The following SLC38A11 variants were observed in gnomAD, a reference collection of about 807,000 sequenced individuals.
SLC38A11 encodes putative sodium-coupled neutral amino acid transporter 11.
A neutral mutation model predicts 49.4 loss-of-function variants in SLC38A11; 51 were observed. The ratio of observed to expected loss-of-function variants is 1.03; its 90% CI spans 0.83 to 1.30. The LOEUF (loss-of-function observed/expected upper bound fraction) is 1.30, where lower values mean the gene tolerates loss of function less well. Ranked by LOEUF, SLC38A11 falls within the 50% of genes most tolerant of loss-of-function variation. The pLI, the probability that SLC38A11 is intolerant of heterozygous loss-of-function variation, is 0.00. For missense variants in SLC38A11, 574 were observed against 556.2 expected (o/e 1.03, Z -0.32); for synonymous variants, 203 against 192.9 (o/e 1.05, Z -0.43).
intron 7 of SLC38A11, among the ~76,000 whole-genome samples, chr2:164,933,432 A>G (rs72884471): frequency 0.021 from 3,165 of 152,222 alleles, 50 homozygotes; most frequent in Middle Eastern, 0.085. Context: ...CCTGAAAGTC[A>G]TTGGACTGTG....
chr2:164,949,149 A>G (rs924583522), intron 3 of SLC38A11, among the ~76,000 whole-genome samples: 33 of 151,800 alleles, frequency 2.2e-4, no homozygotes, highest in Non-Finnish European at 3.7e-4. Flanking sequence ...GAATAAATCA[A>G]TGATCACTAT....
At chr2:164,899,956 T>C (rs1684551479) in intron 11 of SLC38A11, among the ~76,000 whole-genome samples, 1 of 152,110 alleles carries the variant, frequency 6.6e-6, no homozygotes, top group Non-Finnish European at 1.5e-5. Context: ...TCCCTTTGTT[T>C]CCTGCCCCTG....
intron 5 of SLC38A11, among the ~76,000 whole-genome samples, chr2:164,941,488 C>T (rs1421370598): frequency 1.3e-5 from 2 of 152,100 alleles, no homozygotes; most frequent in Non-Finnish European, 2.9e-5. Flanking sequence ...ACATTATAAA[C>T]TGTCACACCC....
chr2:164,939,401 T>G, intron 6 of SLC38A11, 49 bp downstream of exon 6: 2 of 1,270,272 alleles, frequency 1.6e-6, no homozygotes, highest in Non-Finnish European at 2.2e-6. Context: ...CAGTAGATTA[T>G]GCAGGCAACA....
At chr2:164,911,012 T>C (rs1458735722) in intron 10 of SLC38A11, among the ~76,000 whole-genome samples, 2 of 151,806 alleles carry the variant, frequency 1.3e-5, no homozygotes, top group Non-Finnish European at 2.9e-5. Context: ...AATAATATCC[T>C]ATATATTTGT....
At chr2:164,917,973 T>G (rs1260811861) in intron 7 of SLC38A11, among the ~76,000 whole-genome samples, 1 of 151,784 alleles carries the variant, frequency 6.6e-6, no homozygotes, top group Non-Finnish European at 1.5e-5. Context: ...GATAGGAAAA[T>G]GCATATGTCT....
intron 3 of SLC38A11, among the ~76,000 whole-genome samples, chr2:164,950,757 A>G (rs1688467231): frequency 6.6e-6 from 1 of 152,174 alleles, no homozygotes; most frequent in African/African-American, 2.4e-5. Context: ...ATGAAAACAG[A>G]ACTTAGAAAA....
At chr2:164,928,319 T>A (rs182525293) in intron 7 of SLC38A11, among the ~76,000 whole-genome samples, 36 of 152,298 alleles carry the variant, frequency 2.4e-4, no homozygotes, top group African/African-American at 8.4e-4. Context: ...TCTTTGACAG[T>A]GTTTGTATGA....
chr2:164,949,521 G>T (rs1197441149), intron 3 of SLC38A11, among the ~76,000 whole-genome samples: 1 of 152,216 alleles, frequency 6.6e-6, no homozygotes, highest in Non-Finnish European at 1.5e-5. Flanking sequence ...GCCTCTCAAA[G>T]TGCTGGGATT....
intron 9 of SLC38A11, chr2:164,912,482 A>T (rs1237417662): frequency 6.6e-6 from 1 of 152,128 alleles, no homozygotes; most frequent in Non-Finnish European, 1.5e-5. Flanking sequence ...GTTAAAAATA[A>T]ACAAATTTCC....
At chr2:164,905,558 C>T (rs1684943108) in intron 11 of SLC38A11, among the ~76,000 whole-genome samples, 1 of 152,026 alleles carries the variant, frequency 6.6e-6, no homozygotes, top group African/African-American at 2.4e-5. Flanking sequence ...TGGTAAGTGT[C>T]CACACAAAAA....
intron 5 of SLC38A11, among the ~76,000 whole-genome samples, chr2:164,942,513 GAA>G (rs1687850639): frequency 6.7e-6 from 1 of 149,766 alleles, no homozygotes; most frequent in African/African-American, 2.5e-5. Context: ...AAATAACAAA[GAA>G]AACCCCCCAC....
At chr2:164,913,726 T>C (rs1033237265) in intron 9 of SLC38A11, among the ~76,000 whole-genome samples, 3 of 152,064 alleles carry the variant, frequency 2.0e-5, no homozygotes, top group African/African-American at 4.8e-5. Flanking sequence ...CCAGAGCCCA[T>C]AGGCCATTTG....
rs144180424 is a variant in SLC38A11 at position 164,918,577 on chromosome 2, A to G, written c.618-2604T>C. On this transcript the variant is annotated intron_variant, in intron 7 of 11. Transcript: ENST00000685975. ...TACTCTACTTAAGGGATGAAACCAG[A>G]TAGGATGTTCAATATCACTGCATCC... is the stretch of plus-strand genomic sequence containing the variant. Among the ~76,000 whole-genome samples, 14 of 152,312 alleles carry G rather than the reference A, an allele frequency of 9.2e-5. 1 individual carries two copies. The East Asian group carries it at 2.5e-3, about 27-fold the overall frequency.
chr2:164,923,816 C>A (rs1363733655), intron 7 of SLC38A11, among the ~76,000 whole-genome samples: 7 of 148,332 alleles, frequency 4.7e-5, no homozygotes, highest in Non-Finnish European at 9.0e-5. Context: ...AAAAAAAAAA[C>A]AAATGTTAGT....
rs115833589 is a variant in SLC38A11 at position 164,947,715 on chromosome 2, T to C, written c.230-1988A>G. Reference sequence around the variant, plus strand: ...TAGTATCAACAGAAACTTGAGAATTTCCCCAGACTTATCTTATTAATCATT... The same window carrying C: ...TAGTATCAACAGAAACTTGAGAATTCCCCCAGACTTATCTTATTAATCATT... On this transcript the variant is annotated intron_variant, in intron 3 of 11. Coordinates refer to ENST00000685975, the MANE Select transcript of SLC38A11 (RefSeq NM_001351537.2). Among the ~76,000 whole-genome samples the C allele has an allele frequency of 4.7e-3, 723 of 152,348 alleles. 8 individuals are homozygous for C. Among genetic ancestry groups the C allele is most frequent in the African/African-American group, 0.016 (670 of 41,582 alleles).
chr2:164,898,555 G>T lies in SLC38A11; in HGVS notation c.1271C>A (p.Thr424Asn), dbSNP rs1337396516. 1 of 1,613,492 alleles carries T rather than the reference G, an allele frequency of 6.2e-7. No individual in the cohort carries two copies. The highest frequency in any genetic ancestry group is 8.5e-7 in the Non-Finnish European group (1 of 1,179,768). Residue 424 changes from threonine (T) to asparagine (N), a missense_variant, in exon 12 of 12, where the codon ACC (threonine) becomes AAC (asparagine). Coordinates refer to ENST00000685975, the MANE Select transcript of SLC38A11 (RefSeq NM_001351537.2). ...VMAITNTQDC[T>N]HGQEMFYCFP... The stretch of plus-strand genomic sequence containing the variant: ...GCAGTAGAACATTTCCTGCCCATGG[G>T]TGCAGTCTTGAGTATTTGTAATAGC...
At chr2:164,948,981 T>TA in intron 3 of SLC38A11, among the ~76,000 whole-genome samples, 1 of 151,558 alleles carries the variant, frequency 6.6e-6, no homozygotes, top group Admixed American at 6.6e-5. Flanking sequence ...AATGCCAGTC[T>TA]CTGTCATCAT....
chr2:164,936,180 C>G (rs1012737439), intron 7 of SLC38A11, among the ~76,000 whole-genome samples: 3 of 152,006 alleles, frequency 2.0e-5, no homozygotes, highest in Non-Finnish European at 2.9e-5. Flanking sequence ...GTTTTCTCTC[C>G]TTTATTTCAA....
Sources: allele counts gnomAD v4.1 joint callset (sites outside exome capture counted in the v4.1 genomes callset), GRCh38; gene constraint gnomAD v4.1.1; transcripts MANE v1.5; gene names NCBI Gene and HGNC (gene_info 2026-07-23, HGNC 2026-07-21).